Variants in CLEC16A observed in about 807,000 individuals in gnomAD.
CLEC16A encodes the protein protein CLEC16A.
A neutral mutation model predicts 109.5 loss-of-function variants in CLEC16A; 51 were observed. The observed-to-expected ratio is 0.47, with a 90% confidence interval of 0.37 to 0.59. The LOEUF (loss-of-function observed/expected upper bound fraction) is 0.59. CLEC16A is among the 20% of genes least tolerant of loss of function. The probability of loss-of-function intolerance (pLI) is 0.00; values close to 1 mark genes in which losing one functional copy is unlikely to be tolerated. For synonymous variants in CLEC16A, 673 were observed against 564.2 expected, an observed-to-expected ratio of 1.19 and a Z score of -2.73; for missense variants, 1,339 against 1,394.0, an observed-to-expected ratio of 0.96 and a Z score of 0.63.
intron 22 of CLEC16A, among the ~76,000 whole-genome samples, 170 bp from the exon 23 acceptor site, chr16:11,166,218 G>A (rs1454757961): frequency 6.6e-6 from 1 of 152,240 alleles, no homozygotes; most frequent in Non-Finnish European, 1.5e-5. Flanking sequence ...CCTTGAAATA[G>A]CTTCAAAATG....
At chr16:11,132,765 C>G (rs761749413) in intron 22 of CLEC16A, among the ~76,000 whole-genome samples, 1 of 152,120 alleles carries the variant, frequency 6.6e-6, no homozygotes, top group Non-Finnish European at 1.5e-5. Context: ...TGGGGAACCT[C>G]GTTTGTCTTG....
chr16:11,154,874 C>T (rs1567399948), intron 22 of CLEC16A, among the ~76,000 whole-genome samples: 1 of 152,078 alleles, frequency 6.6e-6, no homozygotes, highest in South Asian at 2.1e-4. Flanking sequence ...TTGTAGTGAG[C>T]TGAGATCGTG....
chr16:11,174,321 C>T lies in CLEC16A; in HGVS notation c.2807-4014C>T, dbSNP rs895146041. On this transcript the variant is annotated intron_variant, in intron 23 of 23. Coordinates refer to ENST00000409790, the MANE Select transcript of CLEC16A (RefSeq NM_015226.3). This position sits in a 1 kb window ranked among gnomAD's most constrained non-coding sequence, Gnocchi z 4.7. ...CCGCTCGGGCCGCGACGTCCACTCG[C>T]CACGCTGCATTTCCACAGTCGGCAG... The T allele has an allele frequency of 1.2e-5, 5 of 430,588 alleles. No homozygotes were observed. The highest frequency in any genetic ancestry group is 6.1e-5 in the African/African-American group (3 of 49,580). 26.7% of individuals were successfully genotyped at this position (430,588 alleles called of 1,614,324 possible).
intron 19 of CLEC16A, among the ~76,000 whole-genome samples, chr16:11,065,414 T>C (rs2048707363): frequency 6.6e-6 from 1 of 152,240 alleles, no homozygotes; most frequent in African/African-American, 2.4e-5. Context: ...TTCTGATTTC[T>C]AAAATCAATT....
At chr16:11,068,534 G>A (rs1451634437) in intron 19 of CLEC16A, among the ~76,000 whole-genome samples, 1 of 152,122 alleles carries the variant, frequency 6.6e-6, no homozygotes, top group Admixed American at 6.5e-5. Context: ...TCAGCTACCT[G>A]CCCAACATTT....
At chr16:11,091,851 C>G (rs927846974) in intron 19 of CLEC16A, among the ~76,000 whole-genome samples, 1 of 152,092 alleles carries the variant, frequency 6.6e-6, no homozygotes. Context: ...TGAGCTCCCC[C>G]TCGTAAGTTA....
Position 11,008,608 on chromosome 16 carries a change from C to CTT in CLEC16A, c.1303+5311_1303+5312dup, listed in dbSNP as rs375164138. ...GGAAAGATGTGGCCTTCCCTGCTCC[C>CTT]TTTTTTTTTCCTTTTTTTAAACTTA... On this transcript the variant is annotated intron_variant, in intron 11 of 23. Transcript: ENST00000409790. Among the ~76,000 whole-genome samples the CTT allele has an allele frequency of 1.1e-4, 16 of 150,862 alleles. No individual in the cohort carries two copies. The South Asian group carries it at 3.2e-3, about 30-fold the overall frequency.
intron 7 of CLEC16A, among the ~76,000 whole-genome samples, chr16:10,976,819 G>A (rs1488323858): frequency 1.3e-5 from 2 of 152,096 alleles, no homozygotes; most frequent in Non-Finnish European, 2.9e-5. Flanking sequence ...AGGGCCACTG[G>A]GGTGGCCACG....
At chr16:11,051,666 C>T (rs200973825) in intron 18 of CLEC16A, 25 bp downstream of exon 18, 1 of 1,609,684 alleles carries the variant, frequency 6.2e-7, no homozygotes, top group African/African-American at 1.3e-5. Context: ...GACCTGTCAT[C>T]TCCTGGGCCA....
intron 19 of CLEC16A, among the ~76,000 whole-genome samples, chr16:11,114,860 C>T (rs556771956): frequency 6.6e-6 from 1 of 152,344 alleles, no homozygotes; most frequent in East Asian, 1.9e-4. Context: ...TTCATTTCTC[C>T]TTAACTGCCC....
intron 19 of CLEC16A, among the ~76,000 whole-genome samples, chr16:11,073,359 C>T (rs937325719): frequency 3.9e-5 from 6 of 152,096 alleles, no homozygotes; most frequent in Non-Finnish European, 8.8e-5. Context: ...ACCTCACGAT[C>T]GGGGGATCAT....
chr16:10,956,946 G>A (rs371868411), intron 1 of CLEC16A, among the ~76,000 whole-genome samples: 32 of 152,054 alleles, frequency 2.1e-4, no homozygotes, highest in African/African-American at 6.5e-4. Context: ...TACAGACTTC[G>A]CCACCACACC....
At chr16:11,129,853 C>G (rs1435437300) in intron 22 of CLEC16A, among the ~76,000 whole-genome samples, 2 of 151,792 alleles carry the variant, frequency 1.3e-5, no homozygotes, top group African/African-American at 4.8e-5. Context: ...AGCTCCGCCT[C>G]CCGGGTTCAC....
intron 23 of CLEC16A, among the ~76,000 whole-genome samples, chr16:11,169,433 C>A (rs1040999966): frequency 6.6e-6 from 1 of 152,094 alleles, no homozygotes; most frequent in Non-Finnish European, 1.5e-5. Context: ...ATTACAGGTG[C>A]GCACCACCAT....
chr16:11,079,533 T>C (rs1353602226), intron 19 of CLEC16A, among the ~76,000 whole-genome samples: 3 of 152,230 alleles, frequency 2.0e-5, no homozygotes, highest in Non-Finnish European at 4.4e-5. Flanking sequence ...CAAATTCTCA[T>C]GTAGAAAAGC....
intron 19 of CLEC16A, among the ~76,000 whole-genome samples, chr16:11,114,364 T>TGGGCAGTGAGATCTG (rs1360110517): frequency 6.6e-6 from 1 of 152,152 alleles, no homozygotes; most frequent in Non-Finnish European, 1.5e-5. Context: ...GGAGATTCGA[T>TGGGCAGTGAGATCTG]GGGCAGTGAG....
intron 21 of CLEC16A, among the ~76,000 whole-genome samples, chr16:11,125,699 C>A (rs1006301249): frequency 6.6e-6 from 1 of 152,250 alleles, no homozygotes; most frequent in Non-Finnish European, 1.5e-5. Flanking sequence ...ATTGACCCAG[C>A]TTCCATTCCA....
intron 19 of CLEC16A, among the ~76,000 whole-genome samples, chr16:11,103,351 G>A (rs1264482252): frequency 6.6e-6 from 1 of 152,182 alleles, no homozygotes; most frequent in Non-Finnish European, 1.5e-5. Context: ...AGGCTGAGGT[G>A]GGCGGATCAC....
intron 1 of CLEC16A, among the ~76,000 whole-genome samples, chr16:10,955,580 A>C (rs556823662): frequency 4.7e-4 from 71 of 152,304 alleles, no homozygotes; most frequent in South Asian, 1.4e-3. Flanking sequence ...CAGCAAGGGC[A>C]TTCTAAGCAG....
Sources: allele counts gnomAD v4.1 joint callset (sites outside exome capture counted in the v4.1 genomes callset), GRCh38; gene constraint gnomAD v4.1.1; non-coding constraint Gnocchi (gnomAD v3.1); transcripts MANE v1.5; gene names NCBI Gene and HGNC (gene_info 2026-07-23, HGNC 2026-07-21).